WASF1: variants seen among roughly 807,000 people sequenced by gnomAD.
WASF1 encodes WASP family member 1, also known as actin-binding protein WASF1.
In WASF1, 7 loss-of-function variants were observed where a neutral mutation model predicts 50.5. The observed-to-expected ratio is 0.14, with a 90% CI of 0.08 to 0.26. The LOEUF (loss-of-function observed/expected upper bound fraction) is 0.26, where lower values mean the gene tolerates loss of function less well. Among genes scored for constraint, WASF1 ranks in the 10% least tolerant of loss-of-function variants. WASF1 has a pLI of 1.00. For synonymous variants in WASF1, 205 were observed against 244.0 expected (o/e 0.84, Z 1.49); for missense variants, 470 against 694.7 (o/e 0.68, Z 3.64).
At chr6:110,141,830 G>A (rs940627039) in intron 3 of WASF1, among the ~76,000 whole-genome samples, 1 of 151,538 alleles carries the variant, frequency 6.6e-6, no homozygotes, top group Non-Finnish European at 1.5e-5. Context: ...GGAGTACAAT[G>A]GCATGATCTC....
chr6:110,144,514 T>G (rs1775439302), intron 3 of WASF1, among the ~76,000 whole-genome samples: 1 of 152,210 alleles, frequency 6.6e-6, no homozygotes, highest in Non-Finnish European at 1.5e-5. Context: ...TTGCTTTTGG[T>G]GTTTTAGACA....
At chr6:110,163,212 G>A (rs1440634414) in intron 2 of WASF1, among the ~76,000 whole-genome samples, 1 of 151,558 alleles carries the variant, frequency 6.6e-6, no homozygotes, top group African/African-American at 2.4e-5. Context: ...AAACTCTGAC[G>A]AAAGAAATCA....
At chr6:110,133,728 A>AT (rs138543351) in intron 3 of WASF1, among the ~76,000 whole-genome samples, 8,649 of 150,134 alleles carry the variant, frequency 0.058, 318 homozygotes, top group Non-Finnish European at 0.09. Flanking sequence ...TTCTGATGGG[A>AT]TTTTTTTTTC....
intron 2 of WASF1, among the ~76,000 whole-genome samples, chr6:110,163,401 C>A (rs552651533): frequency 4.1e-4 from 62 of 151,568 alleles, no homozygotes; most frequent in Middle Eastern, 3.4e-3. Context: ...TAGTGAGAGT[C>A]CTGTTCCAGG....
chr6:110,171,234 T>C (rs1484655491), intron 2 of WASF1, among the ~76,000 whole-genome samples: 3 of 152,098 alleles, frequency 2.0e-5, no homozygotes, highest in Admixed American at 2.0e-4. Context: ...CAGTATATGC[T>C]CTCAGACCAC....
chr6:110,110,128 T>G (rs1426717815), intron 5 of WASF1, among the ~76,000 whole-genome samples: 1 of 152,248 alleles, frequency 6.6e-6, no homozygotes, highest in African/African-American at 2.4e-5. Context: ...AATGAGTACA[T>G]ACTATATGTG....
chr6:110,151,156 C>T (rs977587201), intron 3 of WASF1, among the ~76,000 whole-genome samples: 1 of 152,168 alleles, frequency 6.6e-6, no homozygotes, highest in African/African-American at 2.4e-5. Flanking sequence ...TATATATACA[C>T]ATACATACAT....
In WASF1 at chr6:110,105,883, T is replaced by C. The variant is rs533469506; in HGVS notation, c.541-304A>G. Among the ~76,000 whole-genome samples, 75 of 152,326 alleles carry C rather than the reference T, an allele frequency of 4.9e-4. 1 individual carries two copies. Among genetic ancestry groups the C allele is most frequent in the African/African-American group, 1.7e-3 (72 of 41,574 alleles). On this transcript the variant is annotated intron_variant, in intron 7 of 10. Coordinates refer to ENST00000392589, the MANE Select transcript of WASF1 (RefSeq NM_003931.3). The stretch of plus-strand genomic sequence containing the variant: ...AGTCTTTCAGATGAAAAAAGACTCA[T>C]GAACCCTTGCTCCACAGGCATTAGT...
chr6:110,175,392 C>T (rs1186080729), intron 2 of WASF1, among the ~76,000 whole-genome samples: 1 of 151,922 alleles, frequency 6.6e-6, no homozygotes, highest in Non-Finnish European at 1.5e-5. Flanking sequence ...CTTTAAGAGA[C>T]TAAAAAATCT....
At chr6:110,118,113 A>T (rs982727390) in intron 4 of WASF1, among the ~76,000 whole-genome samples, 3 of 152,110 alleles carry the variant, frequency 2.0e-5, no homozygotes, top group African/African-American at 7.2e-5. Context: ...ATTAACAGGC[A>T]AAATAACCAG....
chr6:110,120,104 G>A (rs1459169615), intron 4 of WASF1, among the ~76,000 whole-genome samples: 1 of 152,100 alleles, frequency 6.6e-6, no homozygotes. Context: ...GGCAAAAACT[G>A]GAAGCACTCC....
At chr6:110,109,217 GT>G (rs1263028653) in intron 5 of WASF1, among the ~76,000 whole-genome samples, 1 of 152,098 alleles carries the variant, frequency 6.6e-6, no homozygotes, top group Non-Finnish European at 1.5e-5. Context: ...TAAGTATTAG[GT>G]GATCTATATT....
intron 4 of WASF1, among the ~76,000 whole-genome samples, chr6:110,121,398 G>A (rs759098933): frequency 1.3e-5 from 2 of 152,134 alleles, no homozygotes; most frequent in Non-Finnish European, 2.9e-5. Context: ...CTTCCCAAAA[G>A]AAGACATTTA....
At chr6:110,125,775 T>C (rs1396326231) in intron 4 of WASF1, among the ~76,000 whole-genome samples, 1 of 152,220 alleles carries the variant, frequency 6.6e-6, no homozygotes, top group Non-Finnish European at 1.5e-5. Context: ...ATTCTAAATG[T>C]GAAGCACCCA....
At chr6:110,153,281 G>A (rs1219640723) in intron 3 of WASF1, among the ~76,000 whole-genome samples, 1 of 152,090 alleles carries the variant, frequency 6.6e-6, no homozygotes, top group Non-Finnish European at 1.5e-5. Flanking sequence ...AGAGTTCTAG[G>A]TGAAGATAGG....
chr6:110,103,910 T>C (rs1052719008), intron 8 of WASF1, among the ~76,000 whole-genome samples: 1 of 152,282 alleles, frequency 6.6e-6, no homozygotes, highest in East Asian at 1.9e-4. Context: ...TCTGCCTCTA[T>C]TTAGTTCTTT....
chr6:110,161,217 AC>A, intron 2 of WASF1, among the ~76,000 whole-genome samples: 1 of 151,744 alleles, frequency 6.6e-6, no homozygotes, highest in Admixed American at 6.6e-5. Context: ...TCTTTTACTC[AC>A]GATGTACTGT....
chr6:110,159,155 T>G (rs1776157769), intron 3 of WASF1, among the ~76,000 whole-genome samples: 1 of 151,866 alleles, frequency 6.6e-6, no homozygotes, highest in Non-Finnish European at 1.5e-5. Context: ...ATTAGTTGAA[T>G]AAGAACAGAA....
chr6:110,122,200 A>T (rs929060056), intron 4 of WASF1, among the ~76,000 whole-genome samples: 1 of 151,242 alleles, frequency 6.6e-6, no homozygotes, highest in Non-Finnish European at 1.5e-5. Context: ...ATAAGAAAGA[A>T]AGTAAAGAAG....
Sources: allele counts gnomAD v4.1 joint callset (sites outside exome capture counted in the v4.1 genomes callset), GRCh38; gene constraint gnomAD v4.1.1; transcripts MANE v1.5; gene names NCBI Gene and HGNC (gene_info 2026-07-23, HGNC 2026-07-21).